PITPNC1: variants seen among roughly 807,000 people sequenced by gnomAD.
PITPNC1 encodes phosphatidylinositol transfer protein cytoplasmic 1, also known as cytoplasmic phosphatidylinositol transfer protein 1.
Under a neutral mutation model 44.7 loss-of-function variants are expected in PITPNC1, and 18 were observed. That is an observed-to-expected ratio of 0.40 (90% confidence interval 0.28 to 0.60). PITPNC1 has a LOEUF of 0.60. Ranked by LOEUF, PITPNC1 falls within the 20% of genes least tolerant of loss-of-function variation. The pLI is 0.39. For missense variants in PITPNC1, 290 were observed against 418.4 expected (o/e 0.69, Z 2.68); for synonymous variants, 141 against 149.6 (o/e 0.94, Z 0.42).
rs773797594 is a variant in PITPNC1, at chr17:67,522,659, C to CTTTTTTTTTTTT, written c.49-10140_49-10129dup. Among the ~76,000 whole-genome samples, 123 of 117,194 alleles carry CTTTTTTTTTTTT rather than the reference C, an allele frequency of 1.0e-3. 14 individuals carry two copies. The highest frequency in any genetic ancestry group is 4.4e-3 in the African/African-American group (101 of 22,802). The allele number at this position is 117,194 out of a possible 152,430, so 76.9% of individuals were successfully genotyped here. On this transcript the variant is annotated intron_variant, in intron 1 of 8. Transcript: ENST00000581322. Reference sequence around the variant, plus strand: ...ATATCATAAAATTTACCATTTTAATCTTTTTTTTTTTTTTGGAAAATGAGG... The same window carrying CTTTTTTTTTTTT: ...ATATCATAAAATTTACCATTTTAATCTTTTTTTTTTTTTTTTTTTTTTTTTTGGAAAATGAGG...
At chr17:67,387,005 T>C (rs988374725) in intron 1 of PITPNC1, among the ~76,000 whole-genome samples, 1 of 152,230 alleles carries the variant, frequency 6.6e-6, no homozygotes, top group Non-Finnish European at 1.5e-5. Context: ...TTACAAATAT[T>C]AAAACGGACA....
At chr17:67,666,861 C>T (rs576322876) in intron 6 of PITPNC1, among the ~76,000 whole-genome samples, 1 of 152,312 alleles carries the variant, frequency 6.6e-6, no homozygotes, top group East Asian at 1.9e-4. Context: ...CTTTAGAGGC[C>T]AGTGCCAGAT....
chr17:67,558,095 C>A (rs2040862672), intron 4 of PITPNC1, among the ~76,000 whole-genome samples: 1 of 152,172 alleles, frequency 6.6e-6, no homozygotes, highest in Admixed American at 6.5e-5. Flanking sequence ...TTACTCAGAC[C>A]TCATGCTGCC....
intron 1 of PITPNC1, among the ~76,000 whole-genome samples, chr17:67,480,237 A>G (rs536298840): frequency 6.6e-6 from 1 of 152,372 alleles, no homozygotes; most frequent in Admixed American, 6.5e-5. Flanking sequence ...ATGGAAATTC[A>G]TCCAAAAATG....
chr17:67,570,689 G>C (rs2144212227), intron 4 of PITPNC1, among the ~76,000 whole-genome samples: 1 of 152,272 alleles, frequency 6.6e-6, no homozygotes, highest in African/African-American at 2.4e-5. Flanking sequence ...CTGAAGCTCA[G>C]AGGGAATCGT....
Position 67,505,968 on chromosome 17 carries a change from C to G in PITPNC1, c.49-26834C>G, listed in dbSNP as rs2040096237. Among the ~76,000 whole-genome samples, 3 of 152,158 alleles carry G rather than the reference C, an allele frequency of 2.0e-5. No individual in the cohort carries two copies. In the South Asian group the frequency reaches 6.2e-4, roughly 31 times the overall value. On this transcript the variant is annotated intron_variant, in intron 1 of 8. Transcript: ENST00000581322. ...GATTGCACTGGAGCCTGCTATCAAG[C>G]CTTGTGAGACGTGCCTTTTGTCCAG... is the stretch of plus-strand genomic sequence containing the variant.
chr17:67,403,218 C>CAAAATAAAAAAA (rs2038347465), intron 1 of PITPNC1, among the ~76,000 whole-genome samples: 1 of 68,974 alleles, frequency 1.4e-5, no homozygotes, highest in Admixed American at 2.2e-4. Flanking sequence ...CTCATCTCTA[C>CAAAATAAAAAAA]AAAAAAAAAA....
intron 5 of PITPNC1, among the ~76,000 whole-genome samples, chr17:67,580,677 A>G (rs111260796): frequency 1.2e-4 from 18 of 152,240 alleles, no homozygotes; most frequent in African/African-American, 3.9e-4. Flanking sequence ...AGTCTTTCCA[A>G]ACAAATTTCC....
In PITPNC1 at chr17:67,565,464, G is replaced by A. The variant is rs1026843903; in HGVS notation, c.294+11847G>A. On this transcript the variant is annotated intron_variant, in intron 4 of 8. Transcript: ENST00000581322. Reference sequence around the variant, plus strand: ...GTATACTCATTTTCCATGGTTTTTGGTGTGTATATTAGTTTTCCATGTTTT... The same window carrying A: ...GTATACTCATTTTCCATGGTTTTTGATGTGTATATTAGTTTTCCATGTTTT... Among the ~76,000 whole-genome samples the A allele has an allele frequency of 4.9e-5, 7 of 143,582 alleles. No homozygotes were observed. In the South Asian group the frequency reaches 1.6e-3, roughly 33 times the overall value. 94.2% of individuals were successfully genotyped at this position (143,582 alleles called of 152,430 possible).
At chr17:67,529,281 T>C (rs1371862486) in intron 1 of PITPNC1, among the ~76,000 whole-genome samples, 1 of 152,176 alleles carries the variant, frequency 6.6e-6, no homozygotes, top group Non-Finnish European at 1.5e-5. Flanking sequence ...ATGGCTTTTC[T>C]GTGTCATGCA....
At chr17:67,425,204 C>CGT (rs2038740241) in intron 1 of PITPNC1, among the ~76,000 whole-genome samples, 1 of 10,720 alleles carries the variant, frequency 9.3e-5, no homozygotes, top group Non-Finnish European at 1.9e-4. Flanking sequence ...CACGCACACG[C>CGT]ACACACACAC....
intron 5 of PITPNC1, among the ~76,000 whole-genome samples, chr17:67,590,009 A>C (rs894867601): frequency 6.6e-6 from 1 of 151,424 alleles, no homozygotes; most frequent in Non-Finnish European, 1.5e-5. Context: ...AAAAAAAGAC[A>C]TGCAGAGAGG....
chr17:67,444,934 T>G (rs753615141), intron 1 of PITPNC1, among the ~76,000 whole-genome samples: 1 of 151,808 alleles, frequency 6.6e-6, no homozygotes, highest in African/African-American at 2.4e-5. Flanking sequence ...TGTATTAGTG[T>G]GCGCTGTGGG....
chr17:67,673,698 C>A (rs1008385378), intron 7 of PITPNC1, among the ~76,000 whole-genome samples: 6 of 152,086 alleles, frequency 3.9e-5, no homozygotes, highest in African/African-American at 1.4e-4. Context: ...TGCCTGTAAT[C>A]CCAGCACTTT....
chr17:67,473,119 A>G (rs1484376788), intron 1 of PITPNC1, among the ~76,000 whole-genome samples: 7 of 152,038 alleles, frequency 4.6e-5, no homozygotes, highest in Middle Eastern at 3.4e-3. Context: ...CTCGTGATCC[A>G]CCCGCCTTGG....
chr17:67,633,294 G>A (rs908746839), intron 6 of PITPNC1, among the ~76,000 whole-genome samples: 1 of 152,164 alleles, frequency 6.6e-6, no homozygotes, highest in African/African-American at 2.4e-5. Flanking sequence ...AGTCATCAAG[G>A]CTGATGGGAG....
intron 1 of PITPNC1, among the ~76,000 whole-genome samples, chr17:67,528,167 G>A (rs1030324992): frequency 3.9e-5 from 6 of 152,010 alleles, no homozygotes; most frequent in African/African-American, 1.4e-4. Context: ...TCTGCCTCCC[G>A]ATTAGCTGGG....
chr17:67,416,505 C>T (rs1459575506), intron 1 of PITPNC1, among the ~76,000 whole-genome samples: 7 of 151,952 alleles, frequency 4.6e-5, no homozygotes, highest in Non-Finnish European at 5.9e-5. Context: ...CGTGAGCCAC[C>T]GTGTCCAGCC....
At chr17:67,517,494 A>G (rs1329009084) in intron 1 of PITPNC1, among the ~76,000 whole-genome samples, 2 of 152,250 alleles carry the variant, frequency 1.3e-5, no homozygotes, top group African/African-American at 4.8e-5. Context: ...CATAATAGCC[A>G]CAAGGTGGAA....
Sources: gnomAD v4.1 joint callset for allele counts (sites outside exome capture counted in the v4.1 genomes callset) on GRCh38, gnomAD v4.1.1 for gene constraint, MANE v1.5 for transcripts, NCBI Gene and HGNC (gene_info 2026-07-23, HGNC 2026-07-21) for gene names.